KDM4A: variants seen among roughly 807,000 people sequenced by gnomAD.
KDM4A encodes the protein lysine-specific demethylase 4A.
Under a neutral mutation model 127.1 loss-of-function variants are expected in KDM4A, and 23 were observed. The observed-to-expected ratio is 0.18, with a 90% CI of 0.13 to 0.26. The LOEUF (loss-of-function observed/expected upper bound fraction) is 0.26. KDM4A is among the 10% of genes least tolerant of loss of function. The pLI is 1.00. For synonymous variants in KDM4A, 443 were observed against 466.5 expected (o/e 0.95, Z 0.65); for missense variants, 890 against 1,329.1 (o/e 0.67, Z 5.14).
At chr1:43,671,915 C>T in intron 11 of KDM4A, 40 bp downstream of exon 11, 1 of 1,508,304 alleles carries the variant, frequency 6.6e-7, no homozygotes, top group Non-Finnish European at 8.9e-7. Flanking sequence ...GGGAGCTGCC[C>T]TGGAGGACAC....
At position 43,669,114 on chromosome 1, in the gene KDM4A, G is replaced by C; in HGVS notation, c.1178G>C (p.Arg393Pro). 1 of 1,614,182 alleles carries C rather than the reference G, an allele frequency of 6.2e-7. No homozygotes were observed. Among genetic ancestry groups the C allele is most frequent in the South Asian group, 1.1e-5 (1 of 91,066 alleles). ...CTCCCTTGCAGCCTGGCCAAGCACC[G>C]AATAGGGACAAAGAGGCACCGAGTT... ...GDLKTSLAKH[R>P]IGTKRHRVCL... The change falls in exon 10 of 22, where the codon CGA becomes CCA. Residue 393 changes from arginine (R) to proline (P), a missense_variant. Arg to Pro is a moderately radical substitution (Grantham distance 103, BLOSUM62 -2). Transcript: ENST00000372396.
intron 4 of KDM4A, 124 bp downstream of exon 4, chr1:43,660,536 C>A (rs1022538468): frequency 6.6e-6 from 9 of 1,361,144 alleles, no homozygotes; most frequent in Non-Finnish European, 8.9e-6. Context: ...AGATGATCTA[C>A]CCCCAGCTGA....
intron 2 of KDM4A, among the ~76,000 whole-genome samples, chr1:43,654,131 G>C (rs994696893): frequency 6.6e-6 from 1 of 152,220 alleles, no homozygotes; most frequent in African/African-American, 2.4e-5. Flanking sequence ...GGCTACTGCT[G>C]GGTTAATAAC....
intron 8 of KDM4A, 82 bp downstream of exon 8, chr1:43,667,173 T>C: frequency 6.7e-7 from 1 of 1,486,180 alleles, no homozygotes; most frequent in Non-Finnish European, 9.3e-7. Context: ...GTGATTAGAG[T>C]ATTTCTTTGA....
At chr1:43,701,553 G>T (rs1661394568) in intron 19 of KDM4A, among the ~76,000 whole-genome samples, 1 of 152,162 alleles carries the variant, frequency 6.6e-6, no homozygotes, top group African/African-American at 2.4e-5. Context: ...GGAGTGCAGT[G>T]GCATGGTCAT....
rs563647869 is a variant in KDM4A, at chr1:43,675,952, A to G, written c.1734+4077A>G. Reference sequence around the variant, plus strand: ...GCTGGGTGTGGTGGCGGGCGCCTATAATCCCAGCTGCTTGGGAGGCTGAGG... The same window carrying G: ...GCTGGGTGTGGTGGCGGGCGCCTATGATCCCAGCTGCTTGGGAGGCTGAGG... On this transcript the variant is annotated intron_variant, in intron 11 of 21. Transcript: ENST00000372396. Among the ~76,000 whole-genome samples, 52 of 152,082 alleles carry G rather than the reference A, an allele frequency of 3.4e-4. No homozygotes were observed. The South Asian group carries it at 4.6e-3, about 13-fold the overall frequency.
At chr1:43,670,556 A>ATTT (rs35331772) in intron 10 of KDM4A, among the ~76,000 whole-genome samples, 161 of 76,170 alleles carry the variant, frequency 2.1e-3, no homozygotes, top group African/African-American at 4.3e-3. Context: ...CGCCTGGCTA[A>ATTT]TTTTTTTTTT....
At chr1:43,656,795 G>A (rs1036565129) in intron 3 of KDM4A, among the ~76,000 whole-genome samples, 7 of 150,902 alleles carry the variant, frequency 4.6e-5, no homozygotes, top group Non-Finnish European at 8.8e-5. Flanking sequence ...GTGCAGTCTC[G>A]GCTCACTGCA....
chr1:43,692,332 C>T, intron 16 of KDM4A, 21 bp downstream of exon 16: 1 of 1,606,690 alleles, frequency 6.2e-7, no homozygotes, highest in Non-Finnish European at 8.5e-7. Context: ...TGAGCAGTGC[C>T]TTGGAATGCA....
chr1:43,671,023 A>G (rs993894209), intron 10 of KDM4A, among the ~76,000 whole-genome samples: 1 of 152,232 alleles, frequency 6.6e-6, no homozygotes, highest in Non-Finnish European at 1.5e-5. Flanking sequence ...TTTGTGAAGT[A>G]TATATAAGTT....
Position 43,703,607 on chromosome 1 carries a change from GTT to G in KDM4A, c.2842-8_2842-7del, listed in dbSNP as rs773404274. On this transcript the variant is annotated splice_region_variant and splice_polypyrimidine_tract_variant and intron_variant, in intron 19 of 21. Coordinates refer to ENST00000372396, the MANE Select transcript of KDM4A (RefSeq NM_014663.3). ...GTTCCTTTCACCCTCCTTCCTTCCTGTTTCCTCAGAGCCAGGACTGTCTCCAG... is the reference window on the plus strand; with the variant it reads ...GTTCCTTTCACCCTCCTTCCTTCCTGTCCTCAGAGCCAGGACTGTCTCCAG... 1.2e-6 allele frequency: 2 copies of G among 1,613,638 alleles called. No homozygotes were observed. The highest frequency in any genetic ancestry group is 1.7e-6 in the Non-Finnish European group (2 of 1,179,792).
At chr1:43,686,942 C>G (rs925443858) in intron 12 of KDM4A, among the ~76,000 whole-genome samples, 1 of 152,196 alleles carries the variant, frequency 6.6e-6, no homozygotes. Flanking sequence ...TTTCCCTCAT[C>G]ATTCAGTATT....
In KDM4A at chr1:43,655,576, T is replaced by C. The variant is rs201432686; in HGVS notation, c.139-15T>C. The C allele has an allele frequency of 1.2e-5, 19 of 1,595,106 alleles. No homozygotes were observed. The highest frequency in any genetic ancestry group is 1.6e-5 in the Non-Finnish European group (19 of 1,170,606). On this transcript the variant is annotated splice_polypyrimidine_tract_variant and intron_variant, in intron 2 of 21. Transcript: ENST00000372396. ...GGTTTCTCATCTGTCTTTTTGTTTC[T>C]TGTGTTCCCTTCAGGTTGTTCCTCC...
intron 11 of KDM4A, among the ~76,000 whole-genome samples, chr1:43,679,563 T>C (rs1320476451): frequency 6.6e-6 from 1 of 152,172 alleles, no homozygotes; most frequent in Non-Finnish European, 1.5e-5. Flanking sequence ...GGCTGCCTGC[T>C]GTTCAGTTTC....
chr1:43,663,883 T>G (rs1221714573), intron 5 of KDM4A, among the ~76,000 whole-genome samples: 1 of 152,074 alleles, frequency 6.6e-6, no homozygotes, highest in East Asian at 1.9e-4. Flanking sequence ...GTCCTCCTAC[T>G]TCAGCCTTGC....
Position 43,694,740 on chromosome 1 carries a change from G to A in KDM4A, c.2516G>A (p.Arg839Lys). 6.2e-7 allele frequency: 1 copy of A among 1,612,978 alleles called. No individual in the cohort carries two copies. Among genetic ancestry groups the A allele is most frequent in the Non-Finnish European group, 8.5e-7 (1 of 1,179,016 alleles). Residue 839 changes from arginine (R) to lysine (K), a missense_variant, in exon 18 of 22, where the codon AGA becomes AAA. Transcript: ENST00000372396. This position sits in a 1 kb window ranked among gnomAD's most constrained non-coding sequence, Gnocchi z 5.2. ...KCIFCKKRRK[R>K]TAGCCVQCSH... ...ATCTTCTGTAAGAAGCGGAGGAAAAGAACTGCTGGCTGCTGTGTGCAGTGT... is the reference window on the plus strand; with the variant it reads ...ATCTTCTGTAAGAAGCGGAGGAAAAAAACTGCTGGCTGCTGTGTGCAGTGT...
intron 11 of KDM4A, among the ~76,000 whole-genome samples, chr1:43,678,587 G>GTTT (rs35182358): frequency 3.7e-5 from 5 of 134,492 alleles, no homozygotes; most frequent in South Asian, 2.4e-4. Flanking sequence ...CTGCAGATAG[G>GTTT]TTTTTTTTTT....
At chr1:43,691,672 T>C (rs1317613839) in intron 15 of KDM4A, 100 bp downstream of exon 15, 8 of 995,964 alleles carry the variant, frequency 8.0e-6, no homozygotes, top group Admixed American at 5.2e-5. Flanking sequence ...GCAGTCTGCA[T>C]AGGGTCTGGT....
chr1:43,655,145 C>T (rs113311058), intron 2 of KDM4A, among the ~76,000 whole-genome samples: 2 of 152,096 alleles, frequency 1.3e-5, no homozygotes, highest in Non-Finnish European at 2.9e-5. Flanking sequence ...CCACTGTGCC[C>T]GGCCTCAAGA....
Sources: allele counts gnomAD v4.1 joint callset (sites outside exome capture counted in the v4.1 genomes callset), GRCh38; gene constraint gnomAD v4.1.1; non-coding constraint Gnocchi (gnomAD v3.1); transcripts MANE v1.5; gene names NCBI Gene and HGNC (gene_info 2026-07-23, HGNC 2026-07-21).